Variants in COL19A1 observed in about 807,000 individuals in gnomAD.
COL19A1 encodes the protein collagen alpha-1(XIX) chain.
A neutral mutation model predicts 190.2 loss-of-function variants in COL19A1; 159 were observed. The observed-to-expected ratio is 0.84, with a 90% CI of 0.73 to 0.95. The LOEUF is 0.95. Among genes scored for constraint, COL19A1 ranks in the 40% least tolerant of loss-of-function variants. The probability of loss-of-function intolerance (pLI) is 0.00; values close to 1 mark genes in which losing one functional copy is unlikely to be tolerated. For missense variants in COL19A1, 1,418 were observed against 1,431.9 expected, an observed-to-expected ratio of 0.99 and a Z score of 0.16; for synonymous variants, 509 against 458.9, an observed-to-expected ratio of 1.11 and a Z score of -1.39.
intron 2 of COL19A1, chr6:69,880,003 A>C (rs938306434): frequency 2.2e-5 from 7 of 317,260 alleles, no homozygotes; most frequent in African/African-American, 1.5e-4. Flanking sequence ...GAAACTCATT[A>C]CTAATTAGGA....
At chr6:70,068,845 A>C (rs1031652123) in intron 15 of COL19A1, among the ~76,000 whole-genome samples, 1 of 152,108 alleles carries the variant, frequency 6.6e-6, no homozygotes, top group Non-Finnish European at 1.5e-5. Context: ...TCTTTATCCA[A>C]ATTAAATTAT....
intron 30 of COL19A1, among the ~76,000 whole-genome samples, chr6:70,151,026 G>A (rs1182173850): frequency 2.6e-5 from 4 of 152,072 alleles, no homozygotes; most frequent in Non-Finnish European, 4.4e-5. Context: ...TAGTGTGTTC[G>A]CCAGAGGAAT....
chr6:69,874,783 A>G (rs992135933), intron 1 of COL19A1, among the ~76,000 whole-genome samples: 2 of 152,266 alleles, frequency 1.3e-5, no homozygotes, highest in African/African-American at 4.8e-5. Flanking sequence ...GTGTGCAAAG[A>G]GAAATAATAT....
chr6:70,083,187 G>T (rs1461073578), intron 15 of COL19A1, among the ~76,000 whole-genome samples: 1 of 152,178 alleles, frequency 6.6e-6, no homozygotes, highest in Non-Finnish European at 1.5e-5. Context: ...TTCAAAGAGT[G>T]CATATAGGTA....
intron 4 of COL19A1, among the ~76,000 whole-genome samples, chr6:69,919,424 A>G (rs1208300883): frequency 6.6e-6 from 1 of 152,216 alleles, no homozygotes; most frequent in Non-Finnish European, 1.5e-5. Context: ...TGTTGAATGT[A>G]CAATCTATTT....
chr6:70,088,583 G>C (rs1488199975), intron 15 of COL19A1, among the ~76,000 whole-genome samples: 2 of 152,100 alleles, frequency 1.3e-5, no homozygotes, highest in Non-Finnish European at 2.9e-5. Flanking sequence ...AAGCCACTAT[G>C]TCCACGTTTA....
At chr6:70,163,633 T>A (rs1293341493) in intron 36 of COL19A1, among the ~76,000 whole-genome samples, 1 of 152,152 alleles carries the variant, frequency 6.6e-6, no homozygotes, top group African/African-American at 2.4e-5. Context: ...AAACAAAAGT[T>A]CAGGCTGGAT....
intron 14 of COL19A1, among the ~76,000 whole-genome samples, chr6:70,064,304 G>A (rs1372639339): frequency 6.6e-6 from 1 of 152,154 alleles, no homozygotes; most frequent in African/African-American, 2.4e-5. Flanking sequence ...TCATCCCTGG[G>A]ATGCAAGGCT....
chr6:69,938,028 T>C lies in COL19A1; in HGVS notation c.874-10T>C, dbSNP rs375782681. The C allele has an allele frequency of 3.1e-6, 5 of 1,612,216 alleles. No individual in the cohort carries two copies. Among genetic ancestry groups the C allele is most frequent in the Non-Finnish European group, 4.2e-6 (5 of 1,178,968 alleles). Reference sequence around the variant, plus strand: ...AATGTTTGCTAACACAGATATGCATTTTTGCTCAGGGAGAAGCAGGATTAC... The same window carrying C: ...AATGTTTGCTAACACAGATATGCATCTTTGCTCAGGGAGAAGCAGGATTAC... On this transcript the variant is annotated splice_polypyrimidine_tract_variant and intron_variant, in intron 8 of 50. Coordinates refer to ENST00000620364, the MANE Select transcript of COL19A1 (RefSeq NM_001858.6).
At chr6:70,049,112 C>G (rs533197082) in intron 14 of COL19A1, among the ~76,000 whole-genome samples, 1 of 151,932 alleles carries the variant, frequency 6.6e-6, no homozygotes, top group East Asian at 1.9e-4. Context: ...CCTCACATAT[C>G]AAAATCTGAG....
At chr6:69,973,873 T>A (rs569396450) in intron 11 of COL19A1, 1 of 152,336 alleles carries the variant, frequency 6.6e-6, no homozygotes, top group East Asian at 1.9e-4. Context: ...TCACAATCAA[T>A]GTAAAAGCAA....
intron 47 of COL19A1, among the ~76,000 whole-genome samples, chr6:70,189,660 G>A (rs1766733777): frequency 6.6e-6 from 1 of 152,124 alleles, no homozygotes; most frequent in African/African-American, 2.4e-5. Context: ...AAATGCATGT[G>A]GATTTACTTG....
intron 11 of COL19A1, among the ~76,000 whole-genome samples, chr6:69,989,235 G>C (rs768016317): frequency 6.6e-6 from 1 of 152,158 alleles, no homozygotes; most frequent in Non-Finnish European, 1.5e-5. Flanking sequence ...TACTCAAAAA[G>C]AGTCAGTGCC....
chr6:70,140,464 C>A (rs1583008250), intron 19 of COL19A1, among the ~76,000 whole-genome samples: 1 of 151,974 alleles, frequency 6.6e-6, no homozygotes, highest in Non-Finnish European at 1.5e-5. Flanking sequence ...CTCTTCAAGT[C>A]ATTTTCATTA....
At chr6:70,059,916 A>G (rs1260456787) in intron 14 of COL19A1, 1 of 336,400 alleles carries the variant, frequency 3.0e-6, no homozygotes, top group Non-Finnish European at 5.8e-6. Flanking sequence ...TCAGCAAATT[A>G]AATTGAAGAA....
chr6:70,087,161 T>G (rs181737361), intron 15 of COL19A1, among the ~76,000 whole-genome samples: 173 of 152,308 alleles, frequency 1.1e-3, no homozygotes, highest in African/African-American at 3.6e-3. Flanking sequence ...AGGAAAAGTT[T>G]AGTAACACCT....
intron 12 of COL19A1, among the ~76,000 whole-genome samples, chr6:70,031,937 A>G (rs1371240699): frequency 6.6e-6 from 1 of 152,160 alleles, no homozygotes; most frequent in Non-Finnish European, 1.5e-5. Flanking sequence ...AAAATCGTTG[A>G]CACTTGTTTT....
intron 5 of COL19A1, 53 bp downstream of exon 5, chr6:69,928,085 G>A: frequency 1.9e-6 from 3 of 1,587,582 alleles, no homozygotes; most frequent in Non-Finnish European, 2.6e-6. Context: ...AATTAAGCCA[G>A]GTGAATTATT....
chr6:70,056,859 G>A (rs1401626933), intron 14 of COL19A1, among the ~76,000 whole-genome samples: 1 of 152,034 alleles, frequency 6.6e-6, no homozygotes, highest in African/African-American at 2.4e-5. Flanking sequence ...TGCAAATTGA[G>A]TGATATTGTA....
Sources: gnomAD v4.1 joint callset for allele counts (sites outside exome capture counted in the v4.1 genomes callset) on GRCh38, gnomAD v4.1.1 for gene constraint, MANE v1.5 for transcripts, NCBI Gene and HGNC (gene_info 2026-07-23, HGNC 2026-07-21) for gene names.